The following NOP53 variants were observed in gnomAD, a reference collection of about 807,000 sequenced individuals.
NOP53 encodes the protein NOP53 ribosome biogenesis factor, also known as ribosome biogenesis protein NOP53.
Under a neutral mutation model 61.0 loss-of-function variants are expected in NOP53, and 40 were observed. That is an observed-to-expected ratio of 0.66 (90% confidence interval 0.51 to 0.85). The LOEUF is 0.85. Among genes scored for constraint, NOP53 ranks in the 40% least tolerant of loss-of-function variants. NOP53 has a pLI of 0.00. For synonymous variants in NOP53, 308 were observed against 289.5 expected (o/e 1.06, Z -0.65); for missense variants, 689 against 652.9 (o/e 1.06, Z -0.60).
chr19:47,748,118 C>G (rs192860328), intron 2 of NOP53, among the ~76,000 whole-genome samples: 31 of 150,244 alleles, frequency 2.1e-4, no homozygotes, highest in African/African-American at 7.4e-4. Context: ...AGAGATGGGT[C>G]TTCATCATGT....
chr19:47,756,761 T>C lies in NOP53; in HGVS notation c.1430+17T>C. ...TGAGATCCAGTGAGTCCACCCGGCT[T>C]CGGCGCAAGGAAGGGAGCCCTTCTC... is the stretch of plus-strand genomic sequence containing the variant. On this transcript the variant is annotated intron_variant, in intron 12 of 12. Transcript: ENST00000246802. The C allele has an allele frequency of 1.9e-6, 3 of 1,612,628 alleles. No homozygotes were observed. The highest frequency in any genetic ancestry group is 2.5e-6 in the Non-Finnish European group (3 of 1,179,600).
rs10404034 is a variant in NOP53, at chr19:47,745,577, T to C, written c.18T>C (p.Ser6=). The change falls in exon 1 of 13, where the codon AGT becomes AGC. Residue 6 remains serine (S), a synonymous_variant. Transcript: ENST00000246802. ...TTGACAAGATGGCGGCAGGAGGCAG[T>C]GGCGTTGGTGGGAAGCGCAGCTCGA... MAAGG[S]GVGGKRSSKS... is the part of the protein sequence containing the mutation. 0.13 allele frequency: 202,677 copies of C among 1,613,470 alleles called. 13,881 individuals carry two copies. Among genetic ancestry groups the C allele is most frequent in the Middle Eastern group, 0.14 (829 of 5,876 alleles).
At chr19:47,755,734 G>T (rs1469962289) in intron 9 of NOP53, 22 bp from the exon 10 acceptor site, 4 of 1,600,966 alleles carry the variant, frequency 2.5e-6, no homozygotes. Context: ...TGATATTTCT[G>T]AACACCCGCC....
chr19:47,756,894 G>C, intron 12 of NOP53, 105 bp from the exon 13 acceptor site: 1 of 1,552,448 alleles, frequency 6.4e-7, no homozygotes, highest in Non-Finnish European at 8.9e-7. Context: ...CCAGAGCGGG[G>C]TTGGGAGGGT....
rs563743000 is a variant in NOP53, at chr19:47,755,516, C to T, written c.1222C>T (p.Arg408Trp). 277 of 1,469,410 alleles carry T rather than the reference C, an allele frequency of 1.9e-4. No homozygotes were observed. The highest frequency in any genetic ancestry group is 1.6e-3 in the African/African-American group (108 of 69,478). The allele number at this position is 1,469,410 out of a possible 1,614,324, so 91.0% of individuals were successfully genotyped here. ...GGCTGACAAGCCCCGAAGGCTGGGGCGGCTCAAGTGAGAACCAGGCCGGGG... is the reference window on the plus strand; with the variant it reads ...GGCTGACAAGCCCCGAAGGCTGGGGTGGCTCAAGTGAGAACCAGGCCGGGG... Reference protein sequence around the residue: ...AEADKPRRLGRLKYQAPDIDV... With the variant: ...AEADKPRRLGWLKYQAPDIDV... The change falls in exon 9 of 13, where the codon CGG (arginine) becomes TGG (tryptophan). Residue 408 changes from arginine (R) to tryptophan (W), a missense_variant. Arg to Trp is a moderately radical substitution (Grantham distance 101, BLOSUM62 -3). Coordinates refer to ENST00000246802, the MANE Select transcript of NOP53 (RefSeq NM_015710.5).
rs770751827 is a variant in NOP53 at position 47,755,457 on chromosome 19, G to A, written c.1163G>A (p.Arg388Gln). ...CTGAGGCTGGCGGAGCTGGCGCGGC[G>A]GCAGAGGCGGCGGCAGGCGCGGCGG... ...VALRLAELARRQRRRQARREA... is the reference protein window; with the variant it reads ...VALRLAELARQQRRRQARREA... Residue 388 changes from arginine to glutamine, a missense_variant, in exon 9 of 13, where the codon CGG (arginine) becomes CAG (glutamine). Coordinates refer to ENST00000246802, the MANE Select transcript of NOP53 (RefSeq NM_015710.5). The A allele has an allele frequency of 6.0e-5, 91 of 1,507,122 alleles. No individual in the cohort carries two copies. The Admixed American group carries it at 8.9e-4, about 15-fold the overall frequency. The allele number at this position is 1,507,122 out of a possible 1,614,324, so 93.4% of individuals were successfully genotyped here.
rs1361649199 is a variant in NOP53, at chr19:47,754,293, A to C, written c.766-234A>C. The C allele has an allele frequency of 2.0e-6, 1 of 490,062 alleles. No individual in the cohort carries two copies. The highest frequency in any genetic ancestry group is 3.1e-5 in the East Asian group (1 of 32,014). The allele number at this position is 490,062 out of a possible 1,614,324, so 30.4% of individuals were successfully genotyped here. On this transcript the variant is annotated intron_variant, in intron 6 of 12. Coordinates refer to ENST00000246802, the MANE Select transcript of NOP53 (RefSeq NM_015710.5). The surrounding 1 kb of genome is among the most constrained non-coding windows in gnomAD (Gnocchi z 4.2). ...ACTCTATCTCAAAAAAAAAATGTGA[A>C]GCGTGCAGGTCAGACTGCCTTCACA...
intron 3 of NOP53, 63 bp downstream of exon 3, chr19:47,750,349 G>C: frequency 1.0e-6 from 1 of 970,954 alleles, no homozygotes; most frequent in Non-Finnish European, 1.7e-6. Context: ...AAGGGTTTCC[G>C]GGGCTGGGGG....
At chr19:47,748,837 C>T (rs964088673) in intron 2 of NOP53, among the ~76,000 whole-genome samples, 11 of 151,546 alleles carry the variant, frequency 7.3e-5, no homozygotes, top group Non-Finnish European at 1.0e-4. Flanking sequence ...CAAGATCATA[C>T]CACTGCACTC....
rs1967125914 is a variant in NOP53 at position 47,751,607 on chromosome 19, G to A, written c.669+17G>A. ...GGAGTGAAGGTGAGATGTGTGGGAA[G>A]GGCATCCTGGGTGATGGGAGGGTGA... On this transcript the variant is annotated intron_variant, in intron 5 of 12. Transcript: ENST00000246802. The A allele has an allele frequency of 1.2e-6, 2 of 1,603,890 alleles. No homozygotes were observed. Among genetic ancestry groups the A allele is most frequent in the Non-Finnish European group, 1.7e-6 (2 of 1,170,852 alleles).
chr19:47,750,157 T>A (rs767787052), intron 2 of NOP53, 21 bp from the exon 3 acceptor site: 2 of 1,516,044 alleles, frequency 1.3e-6, no homozygotes. Context: ...GGCCTTGACT[T>A]GTTCTCTTTC....
chr19:47,745,916 C>A, intron 1 of NOP53, 133 bp downstream of exon 1: 2 of 599,970 alleles, frequency 3.3e-6, no homozygotes, highest in Non-Finnish European at 5.8e-6. Context: ...CGGGGACCGC[C>A]GAGGAAATGG....
At chr19:47,747,988 C>G (rs980092721) in intron 2 of NOP53, among the ~76,000 whole-genome samples, 6 of 152,036 alleles carry the variant, frequency 3.9e-5, no homozygotes, top group Admixed American at 3.9e-4. Flanking sequence ...CTATGTTGGT[C>G]AGGCTGGTCT....
Position 47,751,065 on chromosome 19 carries a change from G to A in NOP53, c.556G>A (p.Asp186Asn). ...AACAAGGGCCAAGCCCGGGCCCCAG[G>A]ACACCGTAGAGCGGCCCTTCTACGA... Reference protein sequence around the residue: ...SATRAKPGPQDTVERPFYDLW... With the variant: ...SATRAKPGPQNTVERPFYDLW... The change falls in exon 4 of 13, where the codon GAC becomes AAC. Residue 186 changes from aspartate to asparagine, a missense_variant. Physicochemically the swap from Asp to Asn is conservative, Grantham distance 23. Coordinates refer to ENST00000246802, the MANE Select transcript of NOP53 (RefSeq NM_015710.5). The A allele has an allele frequency of 1.2e-6, 2 of 1,608,894 alleles. No individual in the cohort carries two copies. The highest frequency in any genetic ancestry group is 1.7e-6 in the Non-Finnish European group (2 of 1,178,416).
At chr19:47,753,424 CAG>C (rs1211051595) in intron 6 of NOP53, 1 of 152,264 alleles carries the variant, frequency 6.6e-6, no homozygotes, top group Non-Finnish European at 1.5e-5. Context: ...GCCTGTGTAA[CAG>C]AGCGAGACTC....
chr19:47,746,734 C>G (rs1399093535), intron 1 of NOP53: 1 of 410,664 alleles, frequency 2.4e-6, no homozygotes, highest in African/African-American at 2.1e-5. Context: ...AACTCCTGAC[C>G]TCAGGTGAGC....
Position 47,754,273 on chromosome 19 carries a change from ATC to A in NOP53, c.766-251_766-250del. On this transcript the variant is annotated intron_variant, in intron 6 of 12. Coordinates refer to ENST00000246802, the MANE Select transcript of NOP53 (RefSeq NM_015710.5). The surrounding 1 kb of genome is among the most constrained non-coding windows in gnomAD (Gnocchi z 4.2). ...GTCTGGGCAACAAGACAGAAACTCT[ATC>A]TCAAAAAAAAAATGTGAAGCGTGCA... The A allele has an allele frequency of 2.1e-6, 1 of 468,458 alleles. No homozygotes were observed. 29.0% of individuals were successfully genotyped at this position (468,458 alleles called of 1,614,324 possible).
chr19:47,752,592 C>T lies in NOP53; in HGVS notation c.750C>T (p.Ser250=), dbSNP rs1568599508. 3 of 1,603,976 alleles carry T rather than the reference C, an allele frequency of 1.9e-6. No homozygotes were observed. Among genetic ancestry groups the T allele is most frequent in the Admixed American group, 1.7e-5 (1 of 59,998 alleles). Residue 250 remains serine (S), a synonymous_variant, in exon 6 of 13, where the codon TCC becomes TCT. Coordinates refer to ENST00000246802, the MANE Select transcript of NOP53 (RefSeq NM_015710.5). The part of the protein sequence containing the change: ...VAPAGASYNP[S]FEDHQTLLSA... ...CTGCCGGAGCTTCCTACAATCCATC[C>T]TTTGAAGACCACCAGGTACACTGCC... is the stretch of plus-strand genomic sequence containing the variant.
intron 5 of NOP53, 111 bp from the exon 6 acceptor site, chr19:47,752,401 T>C: frequency 1.4e-6 from 1 of 694,172 alleles, no homozygotes; most frequent in Non-Finnish European, 2.5e-6. Flanking sequence ...CCTTGAGCTC[T>C]TCCCACACCC....
Sources: allele counts gnomAD v4.1 joint callset (sites outside exome capture counted in the v4.1 genomes callset), GRCh38; gene constraint gnomAD v4.1.1; non-coding constraint Gnocchi (gnomAD v3.1); transcripts MANE v1.5; gene names NCBI Gene and HGNC (gene_info 2026-07-23, HGNC 2026-07-21).